TGFB1I1: variants seen among roughly 807,000 people sequenced by gnomAD.
The protein encoded by TGFB1I1 is transforming growth factor beta 1 induced transcript 1.
TGFB1I1 carries 33 observed loss-of-function variants against 52.0 expected under a neutral mutation model. The ratio of observed to expected loss-of-function variants is 0.63; its 90% CI spans 0.48 to 0.85. The LOEUF (loss-of-function observed/expected upper bound fraction) is 0.85. Among genes scored for constraint, TGFB1I1 ranks in the 40% least tolerant of loss-of-function variants. The pLI, the probability that TGFB1I1 is intolerant of heterozygous loss-of-function variation, is 0.00. For missense variants in TGFB1I1, 577 were observed against 614.9 expected (o/e 0.94, Z 0.65); for synonymous variants, 236 against 253.3 (o/e 0.93, Z 0.65).
intron 7 of TGFB1I1, 125 bp from the exon 8 acceptor site, chr16:31,475,887 A>T (rs1222087056): frequency 1.9e-6 from 2 of 1,063,728 alleles, no homozygotes; most frequent in Admixed American, 2.3e-5. Flanking sequence ...AGGCTGCGTG[A>T]TCTCGAACAC....
rs1596612842 is a variant in TGFB1I1 at position 31,476,420 on chromosome 16, C to T, written c.889-61C>T. The T allele has an allele frequency of 2.0e-6, 3 of 1,530,794 alleles. No individual in the cohort carries two copies. The highest frequency in any genetic ancestry group is 4.6e-5 in the East Asian group (2 of 43,564). 94.8% of individuals were successfully genotyped at this position (1,530,794 alleles called of 1,614,324 possible). ...CCTTAGTCCAGTCACCCGGGTTCCG[C>T]GCGGGAGAGGAAGGCGCGAAGGCAC... is the stretch of plus-strand genomic sequence containing the variant. On this transcript the variant is annotated intron_variant, in intron 8 of 10. Transcript: ENST00000394863. This position sits in a 1 kb window ranked among gnomAD's most constrained non-coding sequence, Gnocchi z 7.6.
At position 31,474,710 on chromosome 16, in the gene TGFB1I1, C is replaced by T. The variant is rs1354983429; in HGVS notation, c.667C>T (p.Gln223Ter). ...SDLSRRGVPT[Q>*]AKGLCGSCNK... ...CCTCAGCCGCCGGGGTGTTCCCACC[C>T]AGGCCAAAGGCCTCTGTGGCTCCTG... is the stretch of plus-strand genomic sequence containing the variant. The change falls in exon 7 of 11, where the codon CAG becomes TAG. Residue 223 changes from glutamine (Q) to a stop codon, truncating the protein, a stop_gained. Coordinates refer to ENST00000394863, the MANE Select transcript of TGFB1I1 (RefSeq NM_001042454.3). LOFTEE classifies it high-confidence loss of function. This position sits in a 1 kb window ranked among gnomAD's most constrained non-coding sequence, Gnocchi z 4.2. 1.2e-6 allele frequency: 2 copies of T among 1,612,660 alleles called. No individual in the cohort carries two copies. Among genetic ancestry groups the T allele is most frequent in the Non-Finnish European group, 1.7e-6 (2 of 1,179,616 alleles).
chr16:31,473,580 G>T, intron 2 of TGFB1I1, 24 bp downstream of exon 2: 1 of 1,612,928 alleles, frequency 6.2e-7, no homozygotes, highest in Non-Finnish European at 8.5e-7. Context: ...TTGGGGACTG[G>T]GGCAGCCACT....
In TGFB1I1 at chr16:31,477,634, C is replaced by A; in HGVS notation, c.*58C>A. Reference sequence around the variant, plus strand: ...CCGCGCCCTCCCGGAAAAGCCGGGTCCTCCAGACCCCGAGGCCTTGCTCTC... The same window carrying A: ...CCGCGCCCTCCCGGAAAAGCCGGGTACTCCAGACCCCGAGGCCTTGCTCTC... On this transcript the variant is annotated 3_prime_UTR_variant, in exon 11 of 11. Coordinates refer to ENST00000394863, the MANE Select transcript of TGFB1I1 (RefSeq NM_001042454.3). The surrounding 1 kb of genome is among the most constrained non-coding windows in gnomAD (Gnocchi z 4.7). 1 of 1,514,622 alleles carries A rather than the reference C, an allele frequency of 6.6e-7. No individual in the cohort carries two copies. The highest frequency in any genetic ancestry group is 8.8e-7 in the Non-Finnish European group (1 of 1,135,236). The allele number at this position is 1,514,622 out of a possible 1,614,324, so 93.8% of individuals were successfully genotyped here. A position where few individuals can be genotyped will look rare whatever the true frequency, so the allele number is the denominator to read the frequency against.
chr16:31,475,718 A>C, intron 7 of TGFB1I1: 1 of 305,530 alleles, frequency 3.3e-6, no homozygotes, highest in Non-Finnish European at 6.1e-6. Context: ...CGAGCCACCC[A>C]GCCTGATCGT....
chr16:31,477,535 A>AAGCCCTACTGCC lies in TGFB1I1; in HGVS notation c.1352_1363dup (p.Tyr451_Pro454dup). The AAGCCCTACTGCC allele has an allele frequency of 6.2e-7, 1 of 1,609,410 alleles. No homozygotes were observed. The highest frequency in any genetic ancestry group is 1.1e-5 in the South Asian group (1 of 90,524). ...GGGGTCCTTCCAGGAGCGCGCCGGC[A>AAGCCCTACTGCC]AGCCCTACTGCCAGCCCTGCTTCCT... On this transcript the variant is annotated inframe_insertion, in exon 11 of 11. Transcript: ENST00000394863. The surrounding 1 kb of genome is among the most constrained non-coding windows in gnomAD (Gnocchi z 4.7).
rs1172010035 is a variant in TGFB1I1 at position 31,477,578 on chromosome 16, A to C, written c.*2A>C. 1 of 1,597,742 alleles carries C rather than the reference A, an allele frequency of 6.3e-7. No individual in the cohort carries two copies. Among genetic ancestry groups the C allele is most frequent in the South Asian group, 1.1e-5 (1 of 89,510 alleles). ...TGCTTCCTGAAGCTCTTCGGCTGAC[A>C]GCCCGCTCGGCTCGCCCTCTCCCCC... On this transcript the variant is annotated 3_prime_UTR_variant, in exon 11 of 11. Coordinates refer to ENST00000394863, the MANE Select transcript of TGFB1I1 (RefSeq NM_001042454.3). This position sits in a 1 kb window ranked among gnomAD's most constrained non-coding sequence, Gnocchi z 4.7.
Position 31,474,025 on chromosome 16 carries a change from G to A in TGFB1I1, c.325+48G>A. On this transcript the variant is annotated intron_variant, in intron 4 of 10. Coordinates refer to ENST00000394863, the MANE Select transcript of TGFB1I1 (RefSeq NM_001042454.3). The surrounding 1 kb of genome is among the most constrained non-coding windows in gnomAD (Gnocchi z 4.2). ...CCTTGATGCGATAGGGGCAGGGGAG[G>A]GAAGGGTGGGGCAGAGACTAAGAGG... 1 of 1,595,280 alleles carries A rather than the reference G, an allele frequency of 6.3e-7. No homozygotes were observed. The highest frequency in any genetic ancestry group is 8.6e-7 in the Non-Finnish European group (1 of 1,163,258).
chr16:31,477,647 A>T lies in TGFB1I1; in HGVS notation c.*71A>T. ...GAAAAGCCGGGTCCTCCAGACCCCG[A>T]GGCCTTGCTCTCAGAGCGGGAGGCC... On this transcript the variant is annotated 3_prime_UTR_variant, in exon 11 of 11. Transcript: ENST00000394863. The surrounding 1 kb of genome is among the most constrained non-coding windows in gnomAD (Gnocchi z 4.7). The T allele has an allele frequency of 6.7e-7, 1 of 1,489,954 alleles. No homozygotes were observed. Among genetic ancestry groups the T allele is most frequent in the Non-Finnish European group, 8.9e-7 (1 of 1,122,992 alleles). The allele number at this position is 1,489,954 out of a possible 1,614,324, so 92.3% of individuals were successfully genotyped here.
In TGFB1I1 at chr16:31,477,629, C is replaced by T; in HGVS notation, c.*53C>T. 6.5e-7 allele frequency: 1 copy of T among 1,529,886 alleles called. No homozygotes were observed. The highest frequency in any genetic ancestry group is 8.8e-7 in the Non-Finnish European group (1 of 1,142,630). The allele number at this position is 1,529,886 out of a possible 1,614,324, so 94.8% of individuals were successfully genotyped here. On this transcript the variant is annotated 3_prime_UTR_variant, in exon 11 of 11. Coordinates refer to ENST00000394863, the MANE Select transcript of TGFB1I1 (RefSeq NM_001042454.3). The surrounding 1 kb of genome is among the most constrained non-coding windows in gnomAD (Gnocchi z 4.7). ...GGAGGCCGCGCCCTCCCGGAAAAGC[C>T]GGGTCCTCCAGACCCCGAGGCCTTG...
At chr16:31,475,875 A>C in intron 7 of TGFB1I1, 137 bp from the exon 8 acceptor site, 1 of 939,072 alleles carries the variant, frequency 1.1e-6, no homozygotes, top group Non-Finnish European at 1.6e-6. Context: ...TCCATCGCTT[A>C]CAGGCTGCGT....
rs1028965082 is a variant in TGFB1I1 at position 31,477,834 on chromosome 16, C to G, written c.*258C>G. On this transcript the variant is annotated 3_prime_UTR_variant, in exon 11 of 11. Coordinates refer to ENST00000394863, the MANE Select transcript of TGFB1I1 (RefSeq NM_001042454.3). This position sits in a 1 kb window ranked among gnomAD's most constrained non-coding sequence, Gnocchi z 4.7. ...CTCTATTCCCACCCTTGAGGGAGCC[C>G]CCTTACTGGGGGAGGGTCCTTGCAA... is the stretch of plus-strand genomic sequence containing the variant. The G allele has an allele frequency of 7.7e-6, 4 of 520,056 alleles. No homozygotes were observed. The highest frequency in any genetic ancestry group is 1.3e-5 in the Non-Finnish European group (4 of 300,048). The allele number at this position is 520,056 out of a possible 1,614,324, so 32.2% of individuals were successfully genotyped here. A position where few individuals can be genotyped will look rare whatever the true frequency, so the allele number is the denominator to read the frequency against.
chr16:31,477,568 T>C lies in TGFB1I1; in HGVS notation c.1378T>C (p.Phe460Leu), dbSNP rs2082434871. The change falls in exon 11 of 11, where the codon TTC (phenylalanine) becomes CTC (leucine). Residue 460 changes from phenylalanine (F) to leucine (L), a missense_variant. This residue lies in a region of TGFB1I1 where 456 missense variants were observed against 461.6 expected (regional missense o/e 0.99). Coordinates refer to ENST00000394863, the MANE Select transcript of TGFB1I1 (RefSeq NM_001042454.3). This position sits in a 1 kb window ranked among gnomAD's most constrained non-coding sequence, Gnocchi z 4.7. ...CTGCCAGCCCTGCTTCCTGAAGCTC[T>C]TCGGCTGACAGCCCGCTCGGCTCGC... Reference protein sequence around the residue: ...PYCQPCFLKLFG With the variant: ...PYCQPCFLKLLG 1 of 1,603,490 alleles carries C rather than the reference T, an allele frequency of 6.2e-7. No homozygotes were observed. Among genetic ancestry groups the C allele is most frequent in the Admixed American group, 1.7e-5 (1 of 59,246 alleles).
intron 1 of TGFB1I1, 95 bp downstream of exon 1, chr16:31,472,296 TCTTA>T (rs1477921711): frequency 3.6e-6 from 5 of 1,387,202 alleles, no homozygotes; most frequent in Middle Eastern, 1.9e-4. Context: ...ATCCCTGTCT[TCTTA>T]CTTCTGCTTT....
At chr16:31,475,103 T>G (rs539175875) in intron 7 of TGFB1I1, 1 of 296,248 alleles carries the variant, frequency 3.4e-6, no homozygotes, top group South Asian at 3.3e-5. Flanking sequence ...CGTCAGAGTC[T>G]GGACTGGGTT....
chr16:31,473,794 AT>A, intron 3 of TGFB1I1, 40 bp from the exon 4 acceptor site: 1 of 1,606,194 alleles, frequency 6.2e-7, no homozygotes, highest in Non-Finnish European at 8.5e-7. Context: ...GGAGGCTTGG[AT>A]TCCCCACCCC....
rs1451044520 is a variant in TGFB1I1, at chr16:31,473,941, C to T, written c.289C>T (p.Leu97Phe). 6.2e-7 allele frequency: 1 copy of T among 1,613,670 alleles called. No individual in the cohort carries two copies. Among genetic ancestry groups the T allele is most frequent in the African/African-American group, 1.3e-5 (1 of 74,842 alleles). ...CGGGCTCTGTGAGCTAGATCGGTTGCTTCAGGAACTTAATGCCACTCAGTT... is the reference window on the plus strand; with the variant it reads ...CGGGCTCTGTGAGCTAGATCGGTTGTTTCAGGAACTTAATGCCACTCAGTT... ...GTGLCELDRL[L>F]QELNATQFNI... Residue 97 changes from leucine to phenylalanine, a missense_variant, in exon 4 of 11, where the codon CTT becomes TTT. This residue lies in a region of TGFB1I1 where 8 missense variants were observed against 29.4 expected (regional missense o/e 0.27). Transcript: ENST00000394863.
chr16:31,474,443 C>G lies in TGFB1I1; in HGVS notation c.507C>G (p.Arg169=). Residue 169 remains arginine, a synonymous_variant, in exon 6 of 11, where the codon CGC becomes CGG. Coordinates refer to ENST00000394863, the MANE Select transcript of TGFB1I1 (RefSeq NM_001042454.3). This position sits in a 1 kb window ranked among gnomAD's most constrained non-coding sequence, Gnocchi z 4.2. ...TGATGGCCTCACTCTCTGACTTCCG[C>G]GTTCAAAACCATGTGAGTTGGGCAG... ...DRLMASLSDF[R]VQNHLPASGP... is the part of the protein sequence containing the mutation. 1 of 1,614,190 alleles carries G rather than the reference C, an allele frequency of 6.2e-7. No individual in the cohort carries two copies. The highest frequency in any genetic ancestry group is 8.5e-7 in the Non-Finnish European group (1 of 1,180,050).
rs769751200 is a variant in TGFB1I1 at position 31,474,323 on chromosome 16, G to A, written c.414-27G>A. ...AGGGAGCGTTGCTCTGGGAGGCTCTGAGATGACACAAGCATGTTCTTCACA... is the reference window on the plus strand; with the variant it reads ...AGGGAGCGTTGCTCTGGGAGGCTCTAAGATGACACAAGCATGTTCTTCACA... On this transcript the variant is annotated intron_variant, in intron 5 of 10. Transcript: ENST00000394863. This position sits in a 1 kb window ranked among gnomAD's most constrained non-coding sequence, Gnocchi z 4.2. The A allele has an allele frequency of 6.2e-6, 10 of 1,613,962 alleles. No homozygotes were observed. The African/African-American group carries it at 9.3e-5, about 15-fold the overall frequency.
Sources: gnomAD v4.1 joint callset for allele counts on GRCh38, gnomAD v4.1.1 for gene constraint, gnomAD v4.1.1 regional missense constraint, Gnocchi (gnomAD v3.1) non-coding constraint, MANE v1.5 for transcripts, NCBI Gene and HGNC (gene_info 2026-07-23, HGNC 2026-07-21) for gene names.